The following CYTH1 variants were observed in gnomAD, a reference collection of about 807,000 sequenced individuals.
CYTH1 encodes the protein cytohesin 1.
A neutral mutation model predicts 61.8 loss-of-function variants in CYTH1; 18 were observed. The observed-to-expected ratio is 0.29, with a 90% confidence interval of 0.20 to 0.43. CYTH1 has a LOEUF of 0.43. Ranked by LOEUF, CYTH1 falls within the 20% of genes least tolerant of loss-of-function variation. The pLI is 1.00. For missense variants in CYTH1, 336 were observed against 510.5 expected (o/e 0.66, Z 3.29); for synonymous variants, 174 against 184.3 (o/e 0.94, Z 0.45).
intron 1 of CYTH1, among the ~76,000 whole-genome samples, chr17:78,771,602 G>A (rs2093471485): frequency 6.6e-6 from 1 of 151,596 alleles, no homozygotes; most frequent in Non-Finnish European, 1.5e-5. Flanking sequence ...ATGGTGGCAT[G>A]CACCTGTAAT....
intron 1 of CYTH1, among the ~76,000 whole-genome samples, chr17:78,767,888 A>G (rs576541498): frequency 4.6e-5 from 7 of 152,208 alleles, no homozygotes; most frequent in Non-Finnish European, 1.0e-4. Flanking sequence ...CTTAATTTCA[A>G]TCTTAGGGCT....
intron 1 of CYTH1, among the ~76,000 whole-genome samples, chr17:78,778,127 AC>A (rs922362500): frequency 1.5e-4 from 23 of 151,406 alleles, no homozygotes; most frequent in African/African-American, 4.8e-4. Flanking sequence ...ACATGGGGAA[AC>A]CCCATCTTTA....
chr17:78,736,655 G>C (rs748406924), intron 1 of CYTH1: 3 of 338,188 alleles, frequency 8.9e-6, no homozygotes, highest in Middle Eastern at 8.0e-4. Flanking sequence ...ACCCCAAGCC[G>C]CATCAGTCCC....
chr17:78,723,728 CCTG>C (rs957422950), intron 1 of CYTH1: 27 of 152,452 alleles, frequency 1.8e-4, no homozygotes, highest in African/African-American at 4.8e-4. Context: ...AAGCCTAATG[CCTG>C]CTTTCACTGC....
chr17:78,700,224 T>A lies in CYTH1; in HGVS notation c.550+107A>T. 1 of 947,800 alleles carries A rather than the reference T, an allele frequency of 1.1e-6. No individual in the cohort carries two copies. 58.7% of individuals were successfully genotyped at this position (947,800 alleles called of 1,614,324 possible). A position where few individuals can be genotyped will look rare whatever the true frequency, so the allele number is the denominator to read the frequency against. ...TATTATAACTATCATTGAGTAAACG[T>A]TCCTAGGCATGAATCTCAGCCCTTT... is the stretch of plus-strand genomic sequence containing the variant. On this transcript the variant is annotated intron_variant, in intron 7 of 13. Transcript: ENST00000446868. This position sits in a 1 kb window ranked among gnomAD's most constrained non-coding sequence, Gnocchi z 5.1.
At chr17:78,691,812 G>A (rs548063488) in intron 11 of CYTH1, 2 of 152,202 alleles carry the variant, frequency 1.3e-5, no homozygotes, top group South Asian at 2.1e-4. Flanking sequence ...ACTTTCTTTG[G>A]CTATTATTAC....
chr17:78,768,721 T>G (rs1447869657), intron 1 of CYTH1, among the ~76,000 whole-genome samples: 1 of 151,916 alleles, frequency 6.6e-6, no homozygotes, highest in African/African-American at 2.4e-5. Context: ...TCCTTAAGGG[T>G]CTCTCCACTG....
intron 1 of CYTH1, chr17:78,727,542 T>A (rs566824666): frequency 8.3e-6 from 3 of 362,586 alleles, no homozygotes; most frequent in Admixed American, 6.4e-5. Context: ...CTTACCAGAG[T>A]TGCCCCGAGT....
rs147953034 is a variant in CYTH1, at chr17:78,726,847, C to T, written c.23-17115G>A. Among the ~76,000 whole-genome samples, 77 of 152,294 alleles carry T rather than the reference C, an allele frequency of 5.1e-4. 1 individual carries two copies. The highest frequency in any genetic ancestry group is 4.0e-3 in the East Asian group (21 of 5,190). On this transcript the variant is annotated intron_variant, in intron 1 of 13. Coordinates refer to ENST00000446868, the MANE Select transcript of CYTH1 (RefSeq NM_004762.6). The stretch of plus-strand genomic sequence containing the variant: ...AAGCTTTGCGTAGTCTTCACTGCAC[C>T]GCGGTCTGCACTCCTGTTCAGAAGC...
At chr17:78,701,972 C>T (rs747195152) in intron 5 of CYTH1, 150 bp downstream of exon 5, 1 of 772,380 alleles carries the variant, frequency 1.3e-6, no homozygotes. Flanking sequence ...CATCACTATT[C>T]CCCAGAAAAG....
chr17:78,712,721 G>A (rs146238618), intron 1 of CYTH1, among the ~76,000 whole-genome samples: 341 of 151,768 alleles, frequency 2.2e-3, no homozygotes, highest in African/African-American at 7.9e-3. Flanking sequence ...TTAGGTAATC[G>A]TATAATTACC....
chr17:78,745,173 G>C (rs1211137281), intron 1 of CYTH1, among the ~76,000 whole-genome samples: 1 of 152,102 alleles, frequency 6.6e-6, no homozygotes, highest in Non-Finnish European at 1.5e-5. Flanking sequence ...CGTGGAGCCT[G>C]GGAGCATTGG....
chr17:78,722,495 A>G (rs2144544988), intron 1 of CYTH1, among the ~76,000 whole-genome samples: 1 of 152,152 alleles, frequency 6.6e-6, no homozygotes, highest in South Asian at 2.1e-4. Flanking sequence ...CCCTCCTCCC[A>G]AGGGGGCAGG....
chr17:78,761,362 A>C (rs1338881915), intron 1 of CYTH1, among the ~76,000 whole-genome samples: 2 of 152,188 alleles, frequency 1.3e-5, no homozygotes, highest in Non-Finnish European at 2.9e-5. Flanking sequence ...TTTGTGTTAA[A>C]ATCAATTGAC....
intron 1 of CYTH1, among the ~76,000 whole-genome samples, chr17:78,715,315 T>C (rs964044975): frequency 1.3e-5 from 2 of 152,158 alleles, no homozygotes; most frequent in African/African-American, 4.8e-5. Context: ...CTCAGTCAAG[T>C]AGGAGGGTAA....
intron 2 of CYTH1, chr17:78,709,134 T>C (rs1598862158): frequency 6.5e-6 from 1 of 153,742 alleles, no homozygotes; most frequent in Non-Finnish European, 1.4e-5. Flanking sequence ...AGTACATCTA[T>C]AGGGACCAGA....
chr17:78,729,989 CA>C (rs772979118), intron 1 of CYTH1, among the ~76,000 whole-genome samples: 2 of 152,104 alleles, frequency 1.3e-5, no homozygotes, highest in African/African-American at 2.4e-5. Flanking sequence ...AGTTTTTATT[CA>C]AAGAAAATAC....
intron 1 of CYTH1, among the ~76,000 whole-genome samples, chr17:78,718,790 G>A (rs763498299): frequency 1.3e-4 from 20 of 152,228 alleles, no homozygotes; most frequent in Non-Finnish European, 2.5e-4. Flanking sequence ...CTGTTGTGAG[G>A]AATGCGTGAT....
rs755629315 is a variant in CYTH1, at chr17:78,760,517, G to GTATA, written c.22+21681_22+21684dup. On this transcript the variant is annotated intron_variant, in intron 1 of 13. Transcript: ENST00000446868. ...TATATACATATATATGTATATATATGTATATATATATATACATACATATAT... is the reference window on the plus strand; with the variant it reads ...TATATACATATATATGTATATATATGTATATATATATATATATACATACATATAT... Among the ~76,000 whole-genome samples, 4 of 29,670 alleles carry GTATA rather than the reference G, an allele frequency of 1.3e-4. No individual in the cohort carries two copies. In the East Asian group the frequency reaches 3.5e-3, roughly 26 times the overall value. The allele number at this position is 29,670 out of a possible 152,430, so 19.5% of individuals were successfully genotyped here.
Sources: allele counts gnomAD v4.1 joint callset (sites outside exome capture counted in the v4.1 genomes callset), GRCh38; gene constraint gnomAD v4.1.1; non-coding constraint Gnocchi (gnomAD v3.1); transcripts MANE v1.5; gene names NCBI Gene and HGNC (gene_info 2026-07-23, HGNC 2026-07-21).